The following BIRC6 variants were observed in gnomAD, a reference collection of about 807,000 sequenced individuals.
The protein encoded by BIRC6 is dual E2 ubiquitin-conjugating enzyme/E3 ubiquitin-protein ligase BIRC6.
A neutral mutation model predicts 503.3 loss-of-function variants in BIRC6; 98 were observed. That is an observed-to-expected ratio of 0.19 (90% confidence interval 0.17 to 0.23). The LOEUF (loss-of-function observed/expected upper bound fraction) is 0.23. Ranked by LOEUF, BIRC6 falls within the 10% of genes least tolerant of loss-of-function variation. The probability of loss-of-function intolerance (pLI) is 1.00; values close to 1 mark genes in which losing one functional copy is unlikely to be tolerated. For missense variants in BIRC6, 5,360 were observed against 5,806.0 expected (o/e 0.92, Z 2.50); for synonymous variants, 2,240 against 2,078.7 (o/e 1.08, Z -2.11).
At chr2:32,464,957 C>G (rs1289907168) in intron 25 of BIRC6, 108 bp from the exon 26 acceptor site, 1 of 1,332,734 alleles carries the variant, frequency 7.5e-7, no homozygotes, top group Non-Finnish European at 1.0e-6. Context: ...TATTACAGTA[C>G]ATACATTAAG....
chr2:32,597,709 A>AT (rs747006482), intron 68 of BIRC6, 42 bp from the exon 69 acceptor site: 3 of 1,451,020 alleles, frequency 2.1e-6, no homozygotes, highest in South Asian at 2.4e-5. Context: ...CATTATAACA[A>AT]TTTTTTGCAG....
intron 10 of BIRC6, among the ~76,000 whole-genome samples, chr2:32,419,165 G>A (rs935466807): frequency 6.6e-6 from 1 of 152,092 alleles, no homozygotes; most frequent in Admixed American, 6.6e-5. Context: ...ATAACAAAGC[G>A]GAAAGAAAAG....
intron 21 of BIRC6, among the ~76,000 whole-genome samples, chr2:32,446,749 T>TTG (rs2148443141): frequency 7.6e-6 from 1 of 131,716 alleles, no homozygotes. Flanking sequence ...TTTTTTTTTT[T>TTG]TTTTTTTTTT....
intron 21 of BIRC6, among the ~76,000 whole-genome samples, chr2:32,446,748 T>TG (rs2045995903): frequency 7.6e-6 from 1 of 130,992 alleles, no homozygotes; most frequent in Non-Finnish European, 1.6e-5. Context: ...GTTTTTTTTT[T>TG]TTTTTTTTTT....
At chr2:32,504,032 G>GC (rs2053511755) in intron 49 of BIRC6, among the ~76,000 whole-genome samples, 1 of 115,272 alleles carries the variant, frequency 8.7e-6, no homozygotes, top group African/African-American at 3.6e-5. Context: ...GTGGGGGGGT[G>GC]TTTGTGTGTG....
chr2:32,535,547 A>G (rs2057159353), intron 61 of BIRC6, among the ~76,000 whole-genome samples: 1 of 152,186 alleles, frequency 6.6e-6, no homozygotes, highest in African/African-American at 2.4e-5. Context: ...GAGTGAGAAC[A>G]TGCAGTGTTT....
At chr2:32,486,828 A>G (rs1447446239) in intron 40 of BIRC6, among the ~76,000 whole-genome samples, 1 of 152,214 alleles carries the variant, frequency 6.6e-6, no homozygotes, top group Non-Finnish European at 1.5e-5. Flanking sequence ...TAATCTCAGT[A>G]TTGGTACACA....
intron 65 of BIRC6, among the ~76,000 whole-genome samples, chr2:32,566,882 A>G (rs1453907404): frequency 6.6e-6 from 1 of 152,196 alleles, no homozygotes. Context: ...CACATACTTT[A>G]GTATTCTAAT....
chr2:32,514,945 T>A, intron 54 of BIRC6, 45 bp from the exon 55 acceptor site: 1 of 1,443,442 alleles, frequency 6.9e-7, no homozygotes, highest in Non-Finnish European at 9.5e-7. Flanking sequence ...TAGTTTCTTC[T>A]AAAAATATAC....
Position 32,415,252 on chromosome 2 carries a change from G to T in BIRC6, c.1961G>T (p.Ser654Ile). 1 of 1,614,014 alleles carries T rather than the reference G, an allele frequency of 6.2e-7. No individual in the cohort carries two copies. The highest frequency in any genetic ancestry group is 8.5e-7 in the Non-Finnish European group (1 of 1,179,868). ...KIFSQMNNIMSKSLHDDGFTV... is the reference protein window; with the variant it reads ...KIFSQMNNIMIKSLHDDGFTV... Reference sequence around the variant, plus strand: ...TTTTCACAGATGAACAATATTATGAGTAAAAGTTTGCATGATGATGGTTTT... The same window carrying T: ...TTTTCACAGATGAACAATATTATGATTAAAAGTTTGCATGATGATGGTTTT... The change falls in exon 10 of 74, where the codon AGT becomes ATT. Residue 654 changes from serine to isoleucine, a missense_variant. This residue lies in a region of BIRC6 where 700 missense variants were observed against 739.3 expected (regional missense o/e 0.95). Transcript: ENST00000421745.
intron 13 of BIRC6, 119 bp from the exon 14 acceptor site, chr2:32,435,377 G>A: frequency 8.8e-7 from 1 of 1,136,888 alleles, no homozygotes; most frequent in Non-Finnish European, 1.2e-6. Flanking sequence ...CAAGTTAACA[G>A]GAAATTTTAG....
intron 21 of BIRC6, among the ~76,000 whole-genome samples, chr2:32,448,317 T>C (rs1221415503): frequency 2.3e-5 from 3 of 131,370 alleles, no homozygotes; most frequent in Non-Finnish European, 4.9e-5. Flanking sequence ...GGGAGGTGGT[T>C]GTAGCGAGCC....
chr2:32,503,391 A>G (rs562500101), intron 49 of BIRC6, among the ~76,000 whole-genome samples, 155 bp downstream of exon 49: 11 of 150,970 alleles, frequency 7.3e-5, no homozygotes, highest in African/African-American at 1.5e-4. Flanking sequence ...TCGACATTCT[A>G]CTTATGAGAG....
At chr2:32,373,770 CAAG>C (rs1284846848) in intron 1 of BIRC6, among the ~76,000 whole-genome samples, 1 of 152,150 alleles carries the variant, frequency 6.6e-6, no homozygotes, top group Non-Finnish European at 1.5e-5. Flanking sequence ...AGCAGGGAAT[CAAG>C]GAGATATTTG....
chr2:32,600,361 C>G (rs1285008791), intron 70 of BIRC6, among the ~76,000 whole-genome samples: 1 of 152,106 alleles, frequency 6.6e-6, no homozygotes, highest in Non-Finnish European at 1.5e-5. Context: ...GATAGAATTT[C>G]AATGGTAAAT....
intron 71 of BIRC6, among the ~76,000 whole-genome samples, chr2:32,605,439 C>A (rs929495689): frequency 3.3e-5 from 5 of 152,040 alleles, no homozygotes; most frequent in African/African-American, 1.2e-4. Flanking sequence ...TATTTAATTT[C>A]TTTCTGTGCT....
At chr2:32,488,487 A>G in intron 41 of BIRC6, 101 bp from the exon 42 acceptor site, 8 of 1,007,140 alleles carry the variant, frequency 7.9e-6, no homozygotes, top group Non-Finnish European at 1.1e-5. Context: ...AGAAAAGGTT[A>G]TTTACTCGTG....
chr2:32,460,301 A>C, intron 23 of BIRC6, among the ~76,000 whole-genome samples: 1 of 24,916 alleles, frequency 4.0e-5, no homozygotes. Context: ...TTTTTTTGAC[A>C]TGGAGTCTCG....
At chr2:32,507,658 T>G (rs2053949538) in intron 50 of BIRC6, among the ~76,000 whole-genome samples, 1 of 152,200 alleles carries the variant, frequency 6.6e-6, no homozygotes, top group Non-Finnish European at 1.5e-5. Flanking sequence ...AATGATGACA[T>G]AATTACCTAT....
Sources: gnomAD v4.1 joint callset for allele counts (sites outside exome capture counted in the v4.1 genomes callset) on GRCh38, gnomAD v4.1.1 for gene constraint, gnomAD v4.1.1 regional missense constraint, MANE v1.5 for transcripts, NCBI Gene and HGNC (gene_info 2026-07-23, HGNC 2026-07-21) for gene names.